The following COMT variants were observed in gnomAD, a reference collection of about 807,000 sequenced individuals.
The protein encoded by COMT is catechol O-methyltransferase.
A neutral mutation model predicts 18.9 loss-of-function variants in COMT; 13 were observed. The observed-to-expected ratio is 0.69, with a 90% CI of 0.45 to 1.09. COMT has a LOEUF of 1.09. Among genes scored for constraint, COMT ranks in the 50% least tolerant of loss-of-function variants. The pLI, the probability that COMT is intolerant of heterozygous loss-of-function variation, is 0.00. For synonymous variants in COMT, 150 were observed against 160.9 expected, an observed-to-expected ratio of 0.93 and a Z score of 0.51; for missense variants, 329 against 361.8, an observed-to-expected ratio of 0.91 and a Z score of 0.73.
At chr22:19,955,463 G>A (rs539178517) in intron 1 of COMT, among the ~76,000 whole-genome samples, 11 of 152,348 alleles carry the variant, frequency 7.2e-5, no homozygotes, top group African/African-American at 2.2e-4. Flanking sequence ...TTATCACACC[G>A]GATCAGCCCC....
At chr22:19,942,261 G>T (rs906031991) in intron 1 of COMT, among the ~76,000 whole-genome samples, 4 of 152,216 alleles carry the variant, frequency 2.6e-5, no homozygotes, top group African/African-American at 9.7e-5. Context: ...CCTGGTGAGG[G>T]TGTGGTAGAG....
intron 1 of COMT, among the ~76,000 whole-genome samples, chr22:19,950,692 G>A (rs772286682): frequency 6.6e-6 from 1 of 152,038 alleles, no homozygotes; most frequent in Non-Finnish European, 1.5e-5. Flanking sequence ...AGACTTGAAG[G>A]GGGTGTCTCC....
chr22:19,956,470 A>G (rs1942067411), intron 1 of COMT, among the ~76,000 whole-genome samples: 1 of 138,668 alleles, frequency 7.2e-6, no homozygotes, highest in South Asian at 2.3e-4. Flanking sequence ...TCTGCCTCCC[A>G]GGTTCAGGCT....
intron 1 of COMT, 63 bp from the exon 2 acceptor site, chr22:19,961,136 T>C (rs564371185): frequency 6.6e-6 from 1 of 152,416 alleles, no homozygotes; most frequent in Non-Finnish European, 1.5e-5. Flanking sequence ...TATCTGGACC[T>C]TGGTCATCGC....
intron 1 of COMT, among the ~76,000 whole-genome samples, chr22:19,959,908 G>GCCTTTGGCCTTGAGCACTTC (rs1942155538): frequency 6.6e-6 from 1 of 152,086 alleles, no homozygotes; most frequent in African/African-American, 2.4e-5. Flanking sequence ...TGGCCACAGA[G>GCCTTTGGCCTTGAGCACTTC]CCGCGGGCAG....
At chr22:19,964,344 G>C (rs374053855) in intron 5 of COMT, 45 bp downstream of exon 5, 272 of 1,613,306 alleles carry the variant, frequency 1.7e-4, no homozygotes, top group Admixed American at 1.0e-4. Flanking sequence ...GCTGCCCAGA[G>C]CCCATTCAGT....
At chr22:19,966,448 A>G (rs1189494530) in intron 5 of COMT, among the ~76,000 whole-genome samples, 1 of 151,296 alleles carries the variant, frequency 6.6e-6, no homozygotes, top group South Asian at 2.1e-4. Flanking sequence ...AAAAAAAAAA[A>G]AAAAAAAGAA....
At chr22:19,963,494 G>A in intron 3 of COMT, 72 bp from the exon 4 acceptor site, 3 of 1,546,716 alleles carry the variant, frequency 1.9e-6, no homozygotes, top group Non-Finnish European at 2.6e-6. Context: ...GAGGTGGGGG[G>A]CCGTGCCTGG....
intron 1 of COMT, among the ~76,000 whole-genome samples, chr22:19,952,301 C>T (rs1047935517): frequency 2.0e-5 from 3 of 150,002 alleles, no homozygotes; most frequent in African/African-American, 7.5e-5. Flanking sequence ...GTGATCACGC[C>T]ACTGCACTCC....
chr22:19,961,070 C>T (rs1436707671), intron 1 of COMT, 129 bp from the exon 2 acceptor site: 2 of 152,314 alleles, frequency 1.3e-5, no homozygotes, highest in Non-Finnish European at 2.9e-5. Flanking sequence ...GCACTGCCCT[C>T]GCCCTGCTAG....
At position 19,962,605 on chromosome 22, in the gene COMT, AG is replaced by A. The variant is rs1328870779; in HGVS notation, c.81del (p.Arg27SerfsTer34). ...VLLVVLLLLL[R>X]HWGWGLCLIG... is the part of the protein sequence containing the mutation. ...GCTGGTGGTGCTGCTGCTGCTTCTGAGGCACTGGGGCTGGGGCCTGTGCCTT... is the reference window on the plus strand; with the variant it reads ...GCTGGTGGTGCTGCTGCTGCTTCTGAGCACTGGGGCTGGGGCCTGTGCCTT... On this transcript the variant is annotated frameshift_variant, in exon 3 of 6. Coordinates refer to ENST00000361682, the MANE Select transcript of COMT (RefSeq NM_000754.4). LOFTEE classifies it high-confidence loss of function. The A allele has an allele frequency of 6.3e-7, 1 of 1,593,378 alleles. No homozygotes were observed. The highest frequency in any genetic ancestry group is 1.3e-5 in the African/African-American group (1 of 74,288).
chr22:19,963,314 G>A (rs1029281104), intron 3 of COMT: 15 of 597,058 alleles, frequency 2.5e-5, no homozygotes, highest in African/African-American at 1.5e-4. Context: ...AGGGACCAGC[G>A]TGAGCATAGA....
intron 2 of COMT, chr22:19,961,903 C>A (rs9332363): frequency 2.0e-3 from 308 of 155,216 alleles, no homozygotes; most frequent in African/African-American, 7.0e-3. Context: ...CAGGGCTGGC[C>A]TTTCTCATCT....
chr22:19,962,758 G>A lies in COMT; in HGVS notation c.232G>A (p.Ala78Thr), dbSNP rs1164520603. The change falls in exon 3 of 6, where the codon GCC becomes ACC. Residue 78 changes from alanine (A) to threonine (T), a missense_variant. Physicochemically the swap from Ala to Thr is moderately conservative, Grantham distance 58 (BLOSUM62 0). Coordinates refer to ENST00000361682, the MANE Select transcript of COMT (RefSeq NM_000754.4). ...CGGGAACGCACAGAGCGTGCTGGAGGCCATTGACACCTACTGCGAGCAGAA... is the reference window on the plus strand; with the variant it reads ...CGGGAACGCACAGAGCGTGCTGGAGACCATTGACACCTACTGCGAGCAGAA... ...EPGNAQSVLE[A>T]IDTYCEQKEW... The A allele has an allele frequency of 6.2e-7, 1 of 1,613,114 alleles. No homozygotes were observed. Among genetic ancestry groups the A allele is most frequent in the Admixed American group, 1.7e-5 (1 of 60,012 alleles).
intron 5 of COMT, chr22:19,967,165 T>C: frequency 7.7e-7 from 1 of 1,303,900 alleles, no homozygotes; most frequent in South Asian, 1.2e-5. Context: ...CTCGTGCAGG[T>C]GCAGTGGTCT....
intron 1 of COMT, among the ~76,000 whole-genome samples, chr22:19,959,898 T>G (rs1359274795): frequency 6.6e-6 from 1 of 151,840 alleles, no homozygotes; most frequent in Admixed American, 6.6e-5. Context: ...GGACCCCAGT[T>G]GGCCACAGAG....
intron 4 of COMT, 81 bp downstream of exon 4, chr22:19,963,840 A>G: frequency 6.7e-7 from 1 of 1,486,444 alleles, no homozygotes; most frequent in Non-Finnish European, 9.1e-7. Flanking sequence ...TGTCCTCCCC[A>G]CCAGGTGTTC....
chr22:19,952,364 G>A (rs879809796), intron 1 of COMT, among the ~76,000 whole-genome samples: 14 of 151,808 alleles, frequency 9.2e-5, no homozygotes, highest in Non-Finnish European at 1.9e-4. Context: ...GGCCAGGCAG[G>A]TGCGGTGGCT....
chr22:19,952,454 A>G (rs1941961602), intron 1 of COMT, among the ~76,000 whole-genome samples: 1 of 152,030 alleles, frequency 6.6e-6, no homozygotes, highest in Non-Finnish European at 1.5e-5. Context: ...CCTGGCTAAC[A>G]TGGTGAAACC....
Sources: gnomAD v4.1 joint callset for allele counts (sites outside exome capture counted in the v4.1 genomes callset) on GRCh38, gnomAD v4.1.1 for gene constraint, MANE v1.5 for transcripts, NCBI Gene and HGNC (gene_info 2026-07-23, HGNC 2026-07-21) for gene names.